The following NAALADL2 variants were observed in gnomAD, a reference collection of about 807,000 sequenced individuals.
NAALADL2 encodes N-acetylated alpha-linked acidic dipeptidase like 2.
In NAALADL2, 76 loss-of-function variants were observed where a neutral mutation model predicts 87.2. That is an observed-to-expected ratio of 0.87 (90% confidence interval 0.72 to 1.05). The LOEUF (loss-of-function observed/expected upper bound fraction) is 1.05, where lower values mean the gene tolerates loss of function less well. NAALADL2 is among the 50% of genes least tolerant of loss of function. NAALADL2 has a pLI of 0.00. For missense variants in NAALADL2, 1,089 were observed against 945.8 expected (o/e 1.15, Z -1.99); for synonymous variants, 354 against 331.0 (o/e 1.07, Z -0.75).
intron 4 of NAALADL2, among the ~76,000 whole-genome samples, chr3:175,319,510 A>C (rs1469140718): frequency 3.3e-5 from 5 of 152,146 alleles, no homozygotes; most frequent in Non-Finnish European, 1.5e-5. Context: ...ATATTTTCTC[A>C]GGGCTCTCCT....
intron 2 of NAALADL2, among the ~76,000 whole-genome samples, chr3:174,588,372 C>T (rs1716960557): frequency 1.3e-5 from 2 of 152,198 alleles, no homozygotes. Context: ...CTTTTTCTCT[C>T]AACTCATCAA....
At chr3:175,017,952 G>A (rs983150347) in intron 1 of NAALADL2, among the ~76,000 whole-genome samples, 8 of 151,980 alleles carry the variant, frequency 5.3e-5, no homozygotes, top group African/African-American at 1.9e-4. Context: ...GGAAATCAGA[G>A]TGGCAAGCAT....
intron 2 of NAALADL2, among the ~76,000 whole-genome samples, chr3:175,204,672 T>A (rs1433600737): frequency 8.0e-6 from 1 of 124,808 alleles, no homozygotes; most frequent in Non-Finnish European, 1.9e-5. Context: ...TTGCTGATGA[T>A]GTGATTGTTT....
At chr3:175,396,841 T>C (rs1445549588) in intron 5 of NAALADL2, among the ~76,000 whole-genome samples, 1 of 152,072 alleles carries the variant, frequency 6.6e-6, no homozygotes, top group Non-Finnish European at 1.5e-5. Context: ...GCTGCTGCCA[T>C]GTGAAGAAGG....
At chr3:175,071,878 C>T (rs1290952014) in intron 1 of NAALADL2, among the ~76,000 whole-genome samples, 2 of 152,014 alleles carry the variant, frequency 1.3e-5, no homozygotes, top group Non-Finnish European at 2.9e-5. Flanking sequence ...AAGTCTGGTC[C>T]TCACCAGAGT....
At chr3:174,675,206 C>CA (rs1176797238) in intron 2 of NAALADL2, among the ~76,000 whole-genome samples, 1 of 151,734 alleles carries the variant, frequency 6.6e-6, no homozygotes, top group Non-Finnish European at 1.5e-5. Context: ...TTAAATTTAC[C>CA]AATTTAGTGA....
intron 2 of NAALADL2, among the ~76,000 whole-genome samples, chr3:175,137,773 TTG>T (rs1491399554): frequency 4.0e-5 from 6 of 150,432 alleles, no homozygotes; most frequent in African/African-American, 9.8e-5. Context: ...TAAGTTTGTT[TTG>T]TTTTGTTTTG....
At chr3:174,471,763 C>T (rs889387587) in intron 1 of NAALADL2, among the ~76,000 whole-genome samples, 3 of 151,936 alleles carry the variant, frequency 2.0e-5, no homozygotes, top group African/African-American at 4.8e-5. Flanking sequence ...TTTCTCATAA[C>T]ATTATTATGA....
chr3:175,054,307 G>A (rs527998385), intron 1 of NAALADL2, among the ~76,000 whole-genome samples: 1 of 152,274 alleles, frequency 6.6e-6, no homozygotes, highest in South Asian at 2.1e-4. Flanking sequence ...AATTGTAAAT[G>A]CAAACCATTC....
intron 1 of NAALADL2, among the ~76,000 whole-genome samples, chr3:174,973,697 A>G (rs1744000227): frequency 6.6e-6 from 1 of 152,218 alleles, no homozygotes. Context: ...TACCTAAGGT[A>G]TGCGGTATAG....
chr3:174,663,223 T>A (rs189971972), intron 2 of NAALADL2, among the ~76,000 whole-genome samples: 2 of 152,298 alleles, frequency 1.3e-5, no homozygotes, highest in East Asian at 3.9e-4. Context: ...TTATCTCAGT[T>A]TCTTTTGAAA....
At chr3:174,766,161 A>G (rs1465665143) in intron 3 of NAALADL2, among the ~76,000 whole-genome samples, 1 of 151,924 alleles carries the variant, frequency 6.6e-6, no homozygotes, top group African/African-American at 2.4e-5. Context: ...TTCTTATCCT[A>G]TTTGGATGTC....
intron 9 of NAALADL2, among the ~76,000 whole-genome samples, chr3:175,474,060 C>A (rs541420624): frequency 8.1e-4 from 123 of 152,188 alleles, no homozygotes; most frequent in African/African-American, 2.8e-3. Context: ...CAATCTATGC[C>A]AATATCTGTT....
chr3:175,623,264 A>G (rs1726489228), intron 10 of NAALADL2, among the ~76,000 whole-genome samples: 1 of 152,088 alleles, frequency 6.6e-6, no homozygotes, highest in African/African-American at 2.4e-5. Context: ...ACCCATAACT[A>G]TTTAGTTAAT....
intron 3 of NAALADL2, among the ~76,000 whole-genome samples, chr3:174,771,860 C>T (rs1262274867): frequency 6.6e-6 from 1 of 152,088 alleles, no homozygotes; most frequent in Non-Finnish European, 1.5e-5. Context: ...CTGACAATGA[C>T]TAACTGGCTT....
At chr3:175,544,229 A>G (rs1286869148) in intron 9 of NAALADL2, among the ~76,000 whole-genome samples, 1 of 152,196 alleles carries the variant, frequency 6.6e-6, no homozygotes, top group African/African-American at 2.4e-5. Flanking sequence ...TATAACCTTG[A>G]TGAGTAAATT....
At chr3:175,256,327 A>G in intron 3 of NAALADL2, 84 bp from the exon 4 acceptor site, 3 of 1,252,698 alleles carry the variant, frequency 2.4e-6, no homozygotes, top group Admixed American at 2.7e-5. Context: ...AATTATGATG[A>G]ATAATTTTGT....
rs1043260838 is a variant in NAALADL2 at position 175,784,198 on chromosome 3, C to T, written c.2190-18807C>T. Among the ~76,000 whole-genome samples the T allele has an allele frequency of 1.5e-4, 23 of 148,518 alleles. 1 individual carries two copies. The highest frequency in any genetic ancestry group is 5.5e-4 in the African/African-American group (22 of 40,016). On this transcript the variant is annotated intron_variant, in intron 13 of 13. Transcript: ENST00000454872. Reference sequence around the variant, plus strand: ...TTGTGTCTCTGCCCGGCTTTGGTATCAGAATGATGCTGGCCTCATAAAATG... The same window carrying T: ...TTGTGTCTCTGCCCGGCTTTGGTATTAGAATGATGCTGGCCTCATAAAATG...
At chr3:174,609,188 C>T (rs1031467837) in intron 2 of NAALADL2, among the ~76,000 whole-genome samples, 17 of 152,152 alleles carry the variant, frequency 1.1e-4, no homozygotes, top group South Asian at 8.3e-4. Context: ...CTATCTATGA[C>T]AACCCCACAG....
Sources: allele counts gnomAD v4.1 joint callset (sites outside exome capture counted in the v4.1 genomes callset), GRCh38; gene constraint gnomAD v4.1.1; transcripts MANE v1.5; gene names NCBI Gene and HGNC (gene_info 2026-07-23, HGNC 2026-07-21).